EIF4A3: variants seen among roughly 807,000 people sequenced by gnomAD.
EIF4A3 encodes eukaryotic initiation factor 4A-III.
EIF4A3 carries 1 observed loss-of-function variant against 55.6 expected under a neutral mutation model. The ratio of observed to expected loss-of-function variants is 0.02; its 90% confidence interval spans 0.01 to 0.09. EIF4A3 has a LOEUF of 0.09. Ranked by LOEUF, EIF4A3 falls within the 10% of genes least tolerant of loss-of-function variation. The pLI, the probability that EIF4A3 is intolerant of heterozygous loss-of-function variation, is 1.00. For missense variants in EIF4A3, 221 were observed against 540.7 expected (o/e 0.41, Z 5.86); for synonymous variants, 194 against 196.3 (o/e 0.99, Z 0.10).
Position 80,135,149 on chromosome 17 carries a change from C to CA in EIF4A3, c.*340dup, listed in dbSNP as rs1311618112. ...CCTGGGCAACAGAGGGAGACTGTCTCAAAAAAAAAAAAGAAAAAGAAAAGA... is the reference window on the plus strand; with the variant it reads ...CCTGGGCAACAGAGGGAGACTGTCTCAAAAAAAAAAAAAGAAAAAGAAAAGA... On this transcript the variant is annotated 3_prime_UTR_variant, in exon 12 of 12. Coordinates refer to ENST00000649764, the MANE Select transcript of EIF4A3 (RefSeq NM_014740.4). 4,023 of 132,494 alleles carry CA rather than the reference C, an allele frequency of 0.03. 1 individual carries two copies. Among genetic ancestry groups the CA allele is most frequent in the Middle Eastern group, 0.067 (20 of 300 alleles). The allele number at this position is 132,494 out of a possible 1,614,324, so 8.2% of individuals were successfully genotyped here.
Position 80,144,207 on chromosome 17 carries a change from G to GCA in EIF4A3, c.206_207insTG (p.Lys70AlafsTer42). 1 of 1,614,066 alleles carries GCA rather than the reference G, an allele frequency of 6.2e-7. No homozygotes were observed. Among genetic ancestry groups the GCA allele is most frequent in the Non-Finnish European group, 8.5e-7 (1 of 1,180,026 alleles). On this transcript the variant is annotated frameshift_variant, in exon 2 of 12. Coordinates refer to ENST00000649764, the MANE Select transcript of EIF4A3 (RefSeq NM_014740.4). LOFTEE classifies it high-confidence loss of function. ...CATCTCTCCCTTTGATGATCTGCTT[G>GCA]ATTGCTCGTTGCTGGATTGCTGATG...
intron 5 of EIF4A3, 33 bp downstream of exon 5, chr17:80,139,975 G>A (rs199784972): frequency 5.1e-5 from 81 of 1,602,276 alleles, no homozygotes; most frequent in South Asian, 2.0e-4. Context: ...AAATACTACC[G>A]GCAGCACCAT....
rs1174672447 is a variant in EIF4A3 at position 80,146,734 on chromosome 17, AGCCCCCGGCTCGCCCCCGACTC to A, written c.169+37_169+58del. 46 of 1,560,598 alleles carry A rather than the reference AGCCCCCGGCTCGCCCCCGACTC, an allele frequency of 2.9e-5. No homozygotes were observed. In the South Asian group the frequency reaches 4.4e-4, roughly 15 times the overall value. On this transcript the variant is annotated intron_variant, in intron 1 of 11. Transcript: ENST00000649764. ...CCCGGGAGTCACCAGTCTGGCCCTC[AGCCCCCGGCTCGCCCCCGACTC>A]GCCCCCGGCTGGCCCCCGCGGCCCG... is the stretch of plus-strand genomic sequence containing the variant.
intron 1 of EIF4A3, 60 bp downstream of exon 1, chr17:80,146,733 C>G: frequency 6.4e-7 from 1 of 1,558,168 alleles, no homozygotes; most frequent in Non-Finnish European, 8.6e-7. Flanking sequence ...GTCTGGCCCT[C>G]AGCCCCCGGC....
chr17:80,140,349 T>C, intron 4 of EIF4A3: 2 of 525,894 alleles, frequency 3.8e-6, no homozygotes, highest in Non-Finnish European at 5.9e-6. Context: ...AGTCTCACTC[T>C]GTGGCCCATG....
Position 80,137,063 on chromosome 17 carries a change from C to T in EIF4A3, c.983+323G>A, listed in dbSNP as rs80044690. On this transcript the variant is annotated intron_variant, in intron 9 of 11. Coordinates refer to ENST00000649764, the MANE Select transcript of EIF4A3 (RefSeq NM_014740.4). ...CAAATGAATGAAACCACCCAATCCA[C>T]GCTTTCTGACCACTGTGGAATTAAA... 1,366 of 214,396 alleles carry T rather than the reference C, an allele frequency of 6.4e-3. 22 individuals are homozygous for T. Among genetic ancestry groups the T allele is most frequent in the African/African-American group, 0.029 (1,272 of 43,828 alleles). The allele number at this position is 214,396 out of a possible 1,614,324, so 13.3% of individuals were successfully genotyped here. A position where few individuals can be genotyped will look rare whatever the true frequency, so the allele number is the denominator to read the frequency against.
At position 80,140,027 on chromosome 17, in the gene EIF4A3, G is replaced by A. The variant is rs758944653; in HGVS notation, c.486C>T (p.Gly162=). 1 of 1,612,988 alleles carries A rather than the reference G, an allele frequency of 6.2e-7. No individual in the cohort carries two copies. ...GCTTACCAAAAACACGCCCTGGAGT[G>A]CCCGCGACAACATGCTGTCCGTAAT... is the stretch of plus-strand genomic sequence containing the variant. The part of the protein sequence containing the change: ...KLDYGQHVVA[G]TPGRVFDMIR... The change falls in exon 5 of 12, where the codon GGC becomes GGT. Residue 162 remains glycine (G), a synonymous_variant. Coordinates refer to ENST00000649764, the MANE Select transcript of EIF4A3 (RefSeq NM_014740.4).
chr17:80,139,994 A>C lies in EIF4A3; in HGVS notation c.505+14T>G, dbSNP rs2039604366. ...ACTACCGGCAGCACCATTTTTAGCG[A>C]CAAAAGTGCTTACCAAAAACACGCC... On this transcript the variant is annotated intron_variant, in intron 5 of 11. Coordinates refer to ENST00000649764, the MANE Select transcript of EIF4A3 (RefSeq NM_014740.4). 1.2e-6 allele frequency: 2 copies of C among 1,607,998 alleles called. No homozygotes were observed. Among genetic ancestry groups the C allele is most frequent in the African/African-American group, 1.3e-5 (1 of 74,638 alleles).
At position 80,144,325 on chromosome 17, in the gene EIF4A3, A is replaced by G; in HGVS notation, c.170-81T>C. ...TACTGTGAGCTCCTCAGGGGCAGACATGGTTTGTTTTTTGAACCTGTCCTC... is the reference window on the plus strand; with the variant it reads ...TACTGTGAGCTCCTCAGGGGCAGACGTGGTTTGTTTTTTGAACCTGTCCTC... On this transcript the variant is annotated intron_variant, in intron 1 of 11. Coordinates refer to ENST00000649764, the MANE Select transcript of EIF4A3 (RefSeq NM_014740.4). The G allele has an allele frequency of 2.9e-6, 4 of 1,393,638 alleles. No individual in the cohort carries two copies. The East Asian group carries it at 9.4e-5, about 33-fold the overall frequency. The allele number at this position is 1,393,638 out of a possible 1,614,324, so 86.3% of individuals were successfully genotyped here.
chr17:80,142,341 T>C (rs1324136845), intron 2 of EIF4A3, among the ~76,000 whole-genome samples: 2 of 152,182 alleles, frequency 1.3e-5, no homozygotes. Flanking sequence ...ATTACAGTCT[T>C]ATTAAATTGA....
chr17:80,139,953 A>T, intron 5 of EIF4A3, 55 bp downstream of exon 5: 1 of 1,588,316 alleles, frequency 6.3e-7, no homozygotes, highest in Non-Finnish European at 8.6e-7. Flanking sequence ...GTACCATTTA[A>T]GCACTTCTTA....
chr17:80,140,002 G>A lies in EIF4A3; in HGVS notation c.505+6C>T. ...CAGCACCATTTTTAGCGACAAAAGT[G>A]CTTACCAAAAACACGCCCTGGAGTG... On this transcript the variant is annotated splice_donor_region_variant and intron_variant, in intron 5 of 11. Coordinates refer to ENST00000649764, the MANE Select transcript of EIF4A3 (RefSeq NM_014740.4). The A allele has an allele frequency of 6.2e-7, 1 of 1,609,632 alleles. No homozygotes were observed.
chr17:80,135,657 AGGCTGAGGTG>A, intron 11 of EIF4A3, 151 bp from the exon 12 acceptor site: 1 of 701,088 alleles, frequency 1.4e-6, no homozygotes. Context: ...GCACTTTGGG[AGGCTGAGGTG>A]GGCAGATCAT....
Position 80,139,703 on chromosome 17 carries a change from C to G in EIF4A3, c.553G>C (p.Val185Leu). Residue 185 changes from valine (V) to leucine (L), a missense_variant, in exon 6 of 12, where the codon GTT becomes CTT. By Grantham distance (32) the Val-to-Leu change is conservative. Transcript: ENST00000649764. ...AACATTTCATCAGCTTCATCCAAAA[C>G]CAACATTTTGATAGCACGTGTCCTT... ...SLRTRAIKML[V>L]LDEADEMLNK... The G allele has an allele frequency of 6.2e-7, 1 of 1,613,996 alleles. No individual in the cohort carries two copies. The highest frequency in any genetic ancestry group is 8.5e-7 in the Non-Finnish European group (1 of 1,179,972).
chr17:80,146,909 A>C lies in EIF4A3; in HGVS notation c.53T>G (p.Leu18Arg). 4 of 1,609,942 alleles carry C rather than the reference A, an allele frequency of 2.5e-6. No individual in the cohort carries two copies. The highest frequency in any genetic ancestry group is 3.4e-6 in the Non-Finnish European group (4 of 1,178,604). Residue 18 changes from leucine to arginine, a missense_variant, in exon 1 of 12, where the codon CTC (leucine) becomes CGC (arginine). Physicochemically the swap from Leu to Arg is moderately radical, Grantham distance 102. Transcript: ENST00000649764. ...ATSGSARKRL[L>R]KEEDMTKVEF... Reference sequence around the variant, plus strand: ...CACTTTAGTCATGTCTTCCTCTTTGAGCAGCCGCTTTCGCGCCGAGCCCGA... The same window carrying C: ...CACTTTAGTCATGTCTTCCTCTTTGCGCAGCCGCTTTCGCGCCGAGCCCGA...
At chr17:80,140,258 C>T in intron 4 of EIF4A3, 118 bp from the exon 5 acceptor site, 1 of 1,228,308 alleles carries the variant, frequency 8.1e-7, no homozygotes, top group South Asian at 2.3e-5. Flanking sequence ...CCATTATTAT[C>T]TCGAAACCAC....
intron 4 of EIF4A3, 143 bp from the exon 5 acceptor site, chr17:80,140,283 C>G (rs2039606627): frequency 1.1e-6 from 1 of 947,374 alleles, no homozygotes; most frequent in Non-Finnish European, 1.4e-6. Context: ...TTCTCCTGCT[C>G]TTTTCTCTGA....
intron 1 of EIF4A3, among the ~76,000 whole-genome samples, chr17:80,145,973 A>T (rs1271488348): frequency 2.0e-5 from 3 of 152,044 alleles, no homozygotes; most frequent in Non-Finnish European, 1.5e-5. Context: ...GCCTCGCCTC[A>T]CCTCAAATCT....
At chr17:80,135,774 A>G in intron 11 of EIF4A3, 1 of 617,530 alleles carries the variant, frequency 1.6e-6, no homozygotes. Flanking sequence ...ACGTGTCTGT[A>G]ATTCCAGCTA....
Sources: allele counts gnomAD v4.1 joint callset (sites outside exome capture counted in the v4.1 genomes callset), GRCh38; gene constraint gnomAD v4.1.1; transcripts MANE v1.5; gene names NCBI Gene and HGNC (gene_info 2026-07-23, HGNC 2026-07-21).